The following C3 variants were observed in gnomAD, a reference collection of about 807,000 sequenced individuals.
C3 encodes complement C3.
A neutral mutation model predicts 207.9 loss-of-function variants in C3; 97 were observed. The observed-to-expected ratio is 0.47, with a 90% CI of 0.40 to 0.55. The LOEUF (loss-of-function observed/expected upper bound fraction) is 0.55. C3 is among the 20% of genes least tolerant of loss of function. The probability of loss-of-function intolerance (pLI) is 0.00; values close to 1 mark genes in which losing one functional copy is unlikely to be tolerated. For missense variants in C3, 1,684 were observed against 2,171.7 expected (o/e 0.78, Z 4.46); for synonymous variants, 848 against 857.6 (o/e 0.99, Z 0.20).
Position 6,714,151 on chromosome 19 carries a change from C to A in C3, c.682+15G>T, listed in dbSNP as rs1568227056. The A allele has an allele frequency of 1.2e-6, 2 of 1,613,162 alleles. No individual in the cohort carries two copies. The highest frequency in any genetic ancestry group is 2.2e-5 in the East Asian group (1 of 44,792). ...GTTCTGGGCACTGACTCCCCCCAGCCCCTCCTCCTCTTACCGTACTCCTTC... is the reference window on the plus strand; with the variant it reads ...GTTCTGGGCACTGACTCCCCCCAGCACCTCCTCCTCTTACCGTACTCCTTC... On this transcript the variant is annotated intron_variant, in intron 6 of 40. Transcript: ENST00000245907.
intron 4 of C3, 112 bp downstream of exon 4, chr19:6,717,982 T>A: frequency 9.9e-7 from 1 of 1,011,544 alleles, no homozygotes; most frequent in Non-Finnish European, 1.6e-6. Context: ...TCTTTGCCTC[T>A]GTGTCTCTGC....
intron 1 of C3, 145 bp downstream of exon 1, chr19:6,720,371 A>T (rs1288130094): frequency 1.5e-6 from 1 of 671,472 alleles, no homozygotes; most frequent in Middle Eastern, 2.5e-4. Flanking sequence ...AGGCAGCCCA[A>T]ATATATATAA....
chr19:6,685,184 C>G (rs1568211726), intron 29 of C3, 38 bp from the exon 30 acceptor site: 2 of 1,601,538 alleles, frequency 1.2e-6, no homozygotes, highest in South Asian at 1.1e-5. Context: ...GATCTGGGAG[C>G]CTGGGAAAGT....
rs148870667 is a variant in C3 at position 6,718,145 on chromosome 19, G to C, written c.453C>G (p.Thr151=). ...CCACGGGTAGCAGCTTGTGGTTGAC[G>C]GTGAAGATCCGATAGAGAACTGGGG... ...PGSTVLYRIF[T]VNHKLLPVGR... Residue 151 remains threonine (T), a synonymous_variant, in exon 4 of 41, where the codon ACC becomes ACG. Coordinates refer to ENST00000245907, the MANE Select transcript of C3 (RefSeq NM_000064.4). The C allele has an allele frequency of 9.9e-6, 16 of 1,614,042 alleles. No homozygotes were observed. The East Asian group carries it at 3.1e-4, about 31-fold the overall frequency.
At position 6,718,150 on chromosome 19, in the gene C3, A is replaced by G; in HGVS notation, c.448T>C (p.Phe150Leu). The G allele has an allele frequency of 6.2e-7, 1 of 1,614,124 alleles. No homozygotes were observed. Among genetic ancestry groups the G allele is most frequent in the Non-Finnish European group, 8.5e-7 (1 of 1,180,018 alleles). The change falls in exon 4 of 41, where the codon TTC becomes CTC. Residue 150 changes from phenylalanine to leucine, a missense_variant. This residue lies in a region of C3 where 1,280 missense variants were observed against 1,739.1 expected (regional missense o/e 0.74). Transcript: ENST00000245907. ...GGTAGCAGCTTGTGGTTGACGGTGA[A>G]GATCCGATAGAGAACTGGGGAGAGA... is the stretch of plus-strand genomic sequence containing the variant. The part of the protein sequence containing the change: ...TPGSTVLYRI[F>L]TVNHKLLPVG...
chr19:6,688,352 T>C (rs2145400531), intron 27 of C3, among the ~76,000 whole-genome samples: 1 of 152,298 alleles, frequency 6.6e-6, no homozygotes, highest in East Asian at 1.9e-4. Context: ...CAGGGTGGTT[T>C]TGAACTCCTG....
chr19:6,718,571 G>T (rs1304010695), intron 2 of C3, among the ~76,000 whole-genome samples, 159 bp from the exon 3 acceptor site: 4 of 151,966 alleles, frequency 2.6e-5, no homozygotes, highest in Non-Finnish European at 5.9e-5. Flanking sequence ...GGAGGTGCGA[G>T]GGGAGAGGGG....
At chr19:6,678,515 G>C in intron 38 of C3, 60 bp from the exon 39 acceptor site, 1 of 1,435,384 alleles carries the variant, frequency 7.0e-7, no homozygotes, top group South Asian at 1.2e-5. Flanking sequence ...GGGGCACCCT[G>C]GTTTGCAAGT....
chr19:6,697,061 T>TAA (rs1344751717), intron 21 of C3, among the ~76,000 whole-genome samples: 1,456 of 76,548 alleles, frequency 0.019, 100 homozygotes, highest in African/African-American at 0.07. Flanking sequence ...AACAAACAAA[T>TAA]AAATAAATAA....
intron 38 of C3, 71 bp downstream of exon 38, chr19:6,679,054 C>T (rs1337948264): frequency 1.2e-5 from 15 of 1,220,480 alleles, no homozygotes; most frequent in African/African-American, 1.5e-5. Context: ...ATGACAACCA[C>T]ACCTACCACC....
At chr19:6,684,499 G>A (rs370816812) in intron 32 of C3, 60 bp from the exon 33 acceptor site, 131 of 1,574,186 alleles carry the variant, frequency 8.3e-5, no homozygotes, top group African/African-American at 1.1e-4. Flanking sequence ...ATTCAGGAGC[G>A]GGGAAGACAT....
Position 6,685,142 on chromosome 19 carries a change from G to T in C3, c.3815C>A (p.Thr1272Asn), listed in dbSNP as rs2145396707. Residue 1272 changes from threonine to asparagine, a missense_variant, in exon 30 of 41, where the codon ACC becomes AAC. By Grantham distance (65) the Thr-to-Asn change is moderately conservative. Transcript: ENST00000245907. ...YGGGYGSTQA[T>N]FMVFQALAQY... The stretch of plus-strand genomic sequence containing the variant: ...AGCCAAGGCTTGGAACACCATGAAG[G>T]TGGCCTAGAACCCACAAGAGAGAAA... The T allele has an allele frequency of 6.2e-7, 1 of 1,613,668 alleles. No homozygotes were observed. Among genetic ancestry groups the T allele is most frequent in the East Asian group, 2.2e-5 (1 of 44,880 alleles).
intron 5 of C3, 38 bp downstream of exon 5, chr19:6,714,314 G>A: frequency 6.2e-7 from 1 of 1,605,644 alleles, no homozygotes; most frequent in South Asian, 1.1e-5. Context: ...TCCGGGGATA[G>A]GGGAGCCCTG....
At chr19:6,697,292 A>C in intron 21 of C3, 52 bp downstream of exon 21, 3 of 1,351,148 alleles carry the variant, frequency 2.2e-6, no homozygotes, top group Non-Finnish European at 3.2e-6. Context: ...TAGTACGAAG[A>C]CCAGGAGCCC....
chr19:6,691,074 G>GTTTTA (rs1918154939), intron 26 of C3, among the ~76,000 whole-genome samples: 1 of 137,242 alleles, frequency 7.3e-6, no homozygotes, highest in Non-Finnish European at 1.6e-5. Flanking sequence ...TTTTTTTTTG[G>GTTTTA]GACAGTTTTG....
rs2241389 is a variant in C3, at chr19:6,693,306, G to A, written c.3230+106C>T. The stretch of plus-strand genomic sequence containing the variant: ...GCCTGGACTCTGCAGGTCCAGGGCT[G>A]TTTGGGCAAGGCTGGCCTAAGGGAC... On this transcript the variant is annotated intron_variant, in intron 25 of 40. Coordinates refer to ENST00000245907, the MANE Select transcript of C3 (RefSeq NM_000064.4). The A allele has an allele frequency of 0.12, 149,019 of 1,258,718 alleles. 9,470 individuals carry two copies. The highest frequency in any genetic ancestry group is 0.13 in the Non-Finnish European group (111,719 of 890,750). The allele number at this position is 1,258,718 out of a possible 1,614,324, so 78.0% of individuals were successfully genotyped here.
At chr19:6,695,411 C>T (rs2145409113) in intron 23 of C3, among the ~76,000 whole-genome samples, 1 of 152,284 alleles carries the variant, frequency 6.6e-6, no homozygotes, top group South Asian at 2.1e-4. Context: ...CCAGTCTTCC[C>T]TCCTGGGGCA....
chr19:6,691,420 C>A (rs1032477297), intron 26 of C3, among the ~76,000 whole-genome samples: 2 of 152,058 alleles, frequency 1.3e-5, no homozygotes, highest in Admixed American at 1.3e-4. Flanking sequence ...CGATAATGAA[C>A]TGTGGGAGTG....
chr19:6,693,339 G>T, intron 25 of C3, 73 bp downstream of exon 25: 1 of 1,457,384 alleles, frequency 6.9e-7, no homozygotes, highest in Non-Finnish European at 9.4e-7. Context: ...GACCACCCCT[G>T]GCCAGGGTCC....
Sources: allele counts gnomAD v4.1 joint callset (sites outside exome capture counted in the v4.1 genomes callset), GRCh38; gene constraint gnomAD v4.1.1; regional missense constraint gnomAD v4.1.1; transcripts MANE v1.5; gene names NCBI Gene and HGNC (gene_info 2026-07-23, HGNC 2026-07-21).